GABRG1: variants seen among roughly 807,000 people sequenced by gnomAD.
GABRG1 encodes gamma-aminobutyric acid receptor subunit gamma-1.
Under a neutral mutation model 49.8 loss-of-function variants are expected in GABRG1, and 49 were observed. The observed-to-expected ratio is 0.98, with a 90% confidence interval of 0.78 to 1.25. The LOEUF (loss-of-function observed/expected upper bound fraction) is 1.25. Among genes scored for constraint, GABRG1 ranks in the 50% most tolerant of loss-of-function variants. The pLI, the probability that GABRG1 is intolerant of heterozygous loss-of-function variation, is 0.00. For missense variants in GABRG1, 552 were observed against 552.3 expected (o/e 1.00, Z 0.01); for synonymous variants, 232 against 185.1 (o/e 1.25, Z -2.06).
intron 2 of GABRG1, among the ~76,000 whole-genome samples, chr4:46,093,433 A>T (rs1018204025): frequency 5.3e-5 from 8 of 152,064 alleles, no homozygotes; most frequent in African/African-American, 1.9e-4. Context: ...GTTAGAATAG[A>T]ATGATGGTTA....
rs73813170 is a variant in GABRG1 at position 46,075,996 on chromosome 4, C to T, written c.321+7990G>A. Among the ~76,000 whole-genome samples the T allele has an allele frequency of 8.9e-4, 135 of 151,918 alleles. 1 individual carries two copies. The highest frequency in any genetic ancestry group is 3.4e-3 in the Middle Eastern group (1 of 294). ...GTGAGGAAGATAATAAATTCCTTAA[C>T]GGGTAAATGTACATTATTGTGATGA... On this transcript the variant is annotated intron_variant, in intron 3 of 8. Transcript: ENST00000295452.
intron 2 of GABRG1, among the ~76,000 whole-genome samples, chr4:46,087,724 A>G (rs1407713770): frequency 6.6e-6 from 1 of 151,930 alleles, no homozygotes; most frequent in Non-Finnish European, 1.5e-5. Context: ...AACATGTTCC[A>G]GTTTCCCTAG....
At chr4:46,053,443 A>G (rs1020552651) in intron 7 of GABRG1, among the ~76,000 whole-genome samples, 2 of 151,518 alleles carry the variant, frequency 1.3e-5, no homozygotes, top group African/African-American at 4.8e-5. Flanking sequence ...ATGGTTGCAG[A>G]TTTATTTCTC....
At chr4:46,095,196 A>T (rs1720127168) in intron 2 of GABRG1, among the ~76,000 whole-genome samples, 1 of 151,864 alleles carries the variant, frequency 6.6e-6, no homozygotes, top group South Asian at 2.1e-4. Context: ...AATAATGAAG[A>T]GAATACAACT....
chr4:46,111,090 A>G, intron 1 of GABRG1, among the ~76,000 whole-genome samples: 1 of 151,054 alleles, frequency 6.6e-6, no homozygotes, highest in Admixed American at 6.6e-5. Context: ...ATTCTATACC[A>G]GGAAAATCCC....
At chr4:46,047,557 TG>T (rs1398779948) in intron 8 of GABRG1, among the ~76,000 whole-genome samples, 1 of 152,108 alleles carries the variant, frequency 6.6e-6, no homozygotes, top group Non-Finnish European at 1.5e-5. Context: ...GAAGACTGCC[TG>T]GGATGCTAGG....
At chr4:46,063,529 A>T (rs1277969344) in intron 5 of GABRG1, among the ~76,000 whole-genome samples, 1 of 152,188 alleles carries the variant, frequency 6.6e-6, no homozygotes, top group South Asian at 2.1e-4. Context: ...CTTATACAAA[A>T]ATTAATTCAA....
intron 8 of GABRG1, 82 bp downstream of exon 8, chr4:46,051,342 G>C: frequency 9.0e-7 from 1 of 1,114,046 alleles, no homozygotes; most frequent in Non-Finnish European, 1.3e-6. Context: ...CCCTATTTCT[G>C]TAAACAAACA....
At chr4:46,068,727 C>T (rs1211125322) in intron 3 of GABRG1, among the ~76,000 whole-genome samples, 2 of 151,966 alleles carry the variant, frequency 1.3e-5, no homozygotes, top group African/African-American at 2.4e-5. Context: ...AAAAAAAAAT[C>T]CAGTTTTGTA....
chr4:46,046,385 G>T (rs541346685), intron 8 of GABRG1, among the ~76,000 whole-genome samples: 20 of 152,142 alleles, frequency 1.3e-4, no homozygotes, highest in Admixed American at 9.8e-4. Context: ...GTACTAACTG[G>T]TTACTCTATC....
Position 46,051,576 on chromosome 4 carries a change from C to A in GABRG1, c.979G>T (p.Val327Phe), listed in dbSNP as rs778876172. 4.3e-6 allele frequency: 7 copies of A among 1,611,424 alleles called. No homozygotes were observed. The highest frequency in any genetic ancestry group is 5.9e-6 in the Non-Finnish European group (7 of 1,178,442). Residue 327 changes from valine to phenylalanine, a missense_variant, in exon 8 of 9, where the codon GTT (valine) becomes TTT (phenylalanine). Val to Phe is a conservative substitution (Grantham distance 50). Coordinates refer to ENST00000295452, the MANE Select transcript of GABRG1 (RefSeq NM_173536.4). ...STIARKSLPK[V>F]SYVTAMDLFV... ...AGATCCATCGCAGTCACATAAGAAA[C>A]CTTAGGTAAAGACTTCCTGGCAATT...
chr4:46,091,545 A>T (rs1007848554), intron 2 of GABRG1, among the ~76,000 whole-genome samples: 1 of 152,110 alleles, frequency 6.6e-6, no homozygotes, highest in South Asian at 2.1e-4. Flanking sequence ...AGAAGAAAAG[A>T]TTGCAAATAT....
intron 1 of GABRG1, among the ~76,000 whole-genome samples, chr4:46,098,268 T>TTC (rs1261942829): frequency 6.6e-6 from 1 of 151,744 alleles, no homozygotes; most frequent in Non-Finnish European, 1.5e-5. Context: ...TAAATTACTC[T>TTC]TCTCTTTATT....
intron 1 of GABRG1, among the ~76,000 whole-genome samples, chr4:46,121,749 C>T (rs539172752): frequency 4.6e-5 from 7 of 151,338 alleles, no homozygotes; most frequent in Non-Finnish European, 7.4e-5. Flanking sequence ...TAACTGAGGC[C>T]GTAAGGGCTA....
intron 1 of GABRG1, among the ~76,000 whole-genome samples, chr4:46,104,678 G>T (rs1720480201): frequency 6.6e-6 from 1 of 151,108 alleles, no homozygotes; most frequent in Non-Finnish European, 1.5e-5. Context: ...ATTCTAGTTG[G>T]GATTTTAACA....
At chr4:46,090,660 A>G (rs981910527) in intron 2 of GABRG1, among the ~76,000 whole-genome samples, 1 of 151,890 alleles carries the variant, frequency 6.6e-6, no homozygotes, top group Non-Finnish European at 1.5e-5. Context: ...AAAACTATAA[A>G]TTTTTTTTAA....
At chr4:46,116,810 G>A (rs1202578673) in intron 1 of GABRG1, among the ~76,000 whole-genome samples, 1 of 150,436 alleles carries the variant, frequency 6.6e-6, no homozygotes, top group African/African-American at 2.4e-5. Flanking sequence ...ACCTGCAGAG[G>A]GTAACAAATT....
At chr4:46,085,537 A>G (rs1015468651) in intron 2 of GABRG1, among the ~76,000 whole-genome samples, 1 of 151,552 alleles carries the variant, frequency 6.6e-6, no homozygotes, top group East Asian at 1.9e-4. Flanking sequence ...TCTGTTCACC[A>G]TTTTGTAAAC....
At chr4:46,101,144 T>TCAAGGAGTCGCACACTATATGACAAAAA (rs1190180410) in intron 1 of GABRG1, among the ~76,000 whole-genome samples, 2 of 151,584 alleles carry the variant, frequency 1.3e-5, no homozygotes, top group Non-Finnish European at 1.5e-5. Flanking sequence ...TTTTTAAAAA[T>TCAAGGAGTCGCACACTATATGACAAAAA]AATACTCTGA....
Sources: allele counts gnomAD v4.1 joint callset (sites outside exome capture counted in the v4.1 genomes callset), GRCh38; gene constraint gnomAD v4.1.1; transcripts MANE v1.5; gene names NCBI Gene and HGNC (gene_info 2026-07-23, HGNC 2026-07-21).